Variants in ADGRB3 observed in about 807,000 individuals in gnomAD.
ADGRB3 encodes adhesion G protein-coupled receptor B3.
ADGRB3 carries 37 observed loss-of-function variants against 193.4 expected under a neutral mutation model. The ratio of observed to expected loss-of-function variants is 0.19; its 90% CI spans 0.15 to 0.25. The LOEUF is 0.25. ADGRB3 is among the 10% of genes least tolerant of loss of function. The pLI is 1.00. For synonymous variants in ADGRB3, 690 were observed against 644.2 expected (o/e 1.07, Z -1.08); for missense variants, 1,637 against 1,852.9 (o/e 0.88, Z 2.14).
chr6:68,709,674 C>T (rs1032736466), intron 3 of ADGRB3, among the ~76,000 whole-genome samples: 1 of 152,064 alleles, frequency 6.6e-6, no homozygotes, highest in Non-Finnish European at 1.5e-5. Flanking sequence ...CAAATAGTGT[C>T]ATTTTTTTCT....
chr6:68,920,171 C>G (rs929660741), intron 3 of ADGRB3, among the ~76,000 whole-genome samples: 1 of 152,098 alleles, frequency 6.6e-6, no homozygotes, highest in Non-Finnish European at 1.5e-5. Flanking sequence ...AAATGAAAAA[C>G]ACGAATATCT....
At chr6:68,772,534 A>G (rs1315827087) in intron 3 of ADGRB3, among the ~76,000 whole-genome samples, 1 of 152,086 alleles carries the variant, frequency 6.6e-6, no homozygotes, top group African/African-American at 2.4e-5. Flanking sequence ...GCCTTAAAAA[A>G]GAACAAACTT....
At chr6:69,164,824 T>C (rs995648737) in intron 17 of ADGRB3, among the ~76,000 whole-genome samples, 2 of 152,088 alleles carry the variant, frequency 1.3e-5, no homozygotes, top group Non-Finnish European at 2.9e-5. Context: ...TAATTTTCCA[T>C]TGTCTGTTTT....
intron 3 of ADGRB3, among the ~76,000 whole-genome samples, chr6:68,730,669 A>G (rs530043499): frequency 4.6e-5 from 7 of 151,832 alleles, no homozygotes; most frequent in East Asian, 1.9e-4. Flanking sequence ...ACAGCAGAAT[A>G]AAAGGAAACC....
chr6:69,338,418 A>G (rs968313739), intron 24 of ADGRB3, among the ~76,000 whole-genome samples: 3 of 152,226 alleles, frequency 2.0e-5, no homozygotes, highest in African/African-American at 7.2e-5. Flanking sequence ...GAAAAAAATT[A>G]CATCTTCAAC....
intron 13 of ADGRB3, among the ~76,000 whole-genome samples, chr6:69,045,617 A>T: frequency 6.6e-6 from 1 of 152,302 alleles, no homozygotes; most frequent in South Asian, 2.1e-4. Context: ...CATGCTTTAC[A>T]TGATAATTAT....
At chr6:68,973,975 T>A (rs940535126) in intron 8 of ADGRB3, among the ~76,000 whole-genome samples, 5 of 152,232 alleles carry the variant, frequency 3.3e-5, no homozygotes, top group Non-Finnish European at 7.3e-5. Flanking sequence ...TAAATTGAAA[T>A]TTTGAATATA....
intron 3 of ADGRB3, among the ~76,000 whole-genome samples, chr6:68,847,105 T>G (rs1165961571): frequency 6.6e-6 from 1 of 152,160 alleles, no homozygotes; most frequent in African/African-American, 2.4e-5. Context: ...ATTTCTGACT[T>G]GCATGGGCCC....
rs144073857 is a variant in ADGRB3, at chr6:69,376,585, G to A, written c.4275+4144G>A. Among the ~76,000 whole-genome samples, 66 of 151,952 alleles carry A rather than the reference G, an allele frequency of 4.3e-4. 1 individual carries two copies. In the East Asian group the frequency reaches 0.012, roughly 27 times the overall value. On this transcript the variant is annotated intron_variant, in intron 30 of 31. Transcript: ENST00000370598. ...GCTTGAGTTTTTACAAGGAGATTTG[G>A]GGGATAATAGAAGTAAGAGATCATT...
In ADGRB3 at chr6:69,339,025, A is replaced by G; in HGVS notation, c.3287+11A>G. ...CGCCAGTAACGCCATGTTAGTCCCA[A>G]TCATTTACATCTTCTTGTTACAAAT... On this transcript the variant is annotated intron_variant, in intron 25 of 31. Coordinates refer to ENST00000370598, the MANE Select transcript of ADGRB3 (RefSeq NM_001704.3). 3.1e-6 allele frequency: 5 copies of G among 1,611,762 alleles called. No homozygotes were observed. Among genetic ancestry groups the G allele is most frequent in the Admixed American group, 1.7e-5 (1 of 59,766 alleles).
chr6:69,086,156 G>A (rs1301985917), intron 17 of ADGRB3, among the ~76,000 whole-genome samples: 2 of 151,796 alleles, frequency 1.3e-5, no homozygotes, highest in Admixed American at 1.3e-4. Flanking sequence ...AACTAAAGAT[G>A]GCATTTAAAA....
chr6:68,758,688 T>G (rs1051200704), intron 3 of ADGRB3, among the ~76,000 whole-genome samples: 1 of 152,156 alleles, frequency 6.6e-6, no homozygotes, highest in Non-Finnish European at 1.5e-5. Flanking sequence ...TATTATCTCC[T>G]TCTTGAAGTC....
intron 17 of ADGRB3, 134 bp downstream of exon 17, chr6:69,076,172 T>C (rs1772224187): frequency 4.1e-6 from 3 of 735,366 alleles, no homozygotes; most frequent in African/African-American, 3.5e-5. Context: ...AATCCTCTTT[T>C]TGAATCTTCA....
At chr6:68,993,716 A>G (rs1489154468) in intron 10 of ADGRB3, 52 bp from the exon 11 acceptor site, 2 of 1,527,288 alleles carry the variant, frequency 1.3e-6, no homozygotes, top group African/African-American at 1.4e-5. Context: ...AGTTATTCAG[A>G]TAAATGGTAA....
At chr6:68,774,796 G>A (rs1297275310) in intron 3 of ADGRB3, among the ~76,000 whole-genome samples, 1 of 151,828 alleles carries the variant, frequency 6.6e-6, no homozygotes, top group African/African-American at 2.4e-5. Flanking sequence ...CATGTGAATG[G>A]AGTTTAAAAC....
chr6:69,220,539 C>G (rs1042757773), intron 17 of ADGRB3, among the ~76,000 whole-genome samples: 1 of 152,110 alleles, frequency 6.6e-6, no homozygotes, highest in East Asian at 1.9e-4. Context: ...AGAGCAGTAG[C>G]AGGCTGAAAC....
intron 17 of ADGRB3, among the ~76,000 whole-genome samples, chr6:69,203,106 AGTT>A (rs774112640): frequency 3.9e-4 from 59 of 152,204 alleles, no homozygotes; most frequent in Non-Finnish European, 7.2e-4. Context: ...AGAGAAACTC[AGTT>A]AAGAATACAG....
intron 3 of ADGRB3, among the ~76,000 whole-genome samples, chr6:68,897,497 G>A (rs1766256676): frequency 9.3e-6 from 1 of 107,374 alleles, no homozygotes; most frequent in Non-Finnish European, 2.0e-5. Context: ...AAGGGAGGGA[G>A]GGAAGAGGAA....
rs116170484 is a variant in ADGRB3 at position 68,996,239 on chromosome 6, C to T, written c.1929+2277C>T. Among the ~76,000 whole-genome samples, 466 of 152,204 alleles carry T rather than the reference C, an allele frequency of 3.1e-3. 1 individual carries two copies. Among genetic ancestry groups the T allele is most frequent in the African/African-American group, 0.01 (433 of 41,530 alleles). On this transcript the variant is annotated intron_variant, in intron 11 of 31. Coordinates refer to ENST00000370598, the MANE Select transcript of ADGRB3 (RefSeq NM_001704.3). ...TCTGCCTACTTAATGCCTCTTTCAT[C>T]CATTCTTTCCTCTCTCTTTCCACTA... is the stretch of plus-strand genomic sequence containing the variant.
Sources: gnomAD v4.1 joint callset for allele counts (sites outside exome capture counted in the v4.1 genomes callset) on GRCh38, gnomAD v4.1.1 for gene constraint, MANE v1.5 for transcripts, NCBI Gene and HGNC (gene_info 2026-07-23, HGNC 2026-07-21) for gene names.